CHLSN: variants seen among roughly 807,000 people sequenced by gnomAD.
CHLSN encodes cholesin.
chr7:1,057,454 C>T, the CHLSN span: 151 of 679,710 alleles, frequency 2.2e-4, 1 homozygote, highest in East Asian at 2.9e-3. Context: ...GGCTTTGGGA[C>T]GGGACGCGAG....
the CHLSN span, among the ~76,000 whole-genome samples, chr7:999,308 T>C: frequency 2.5e-4 from 38 of 152,390 alleles, no homozygotes; most frequent in Middle Eastern, 6.8e-3. Flanking sequence ...TTGGCCCGCA[T>C]GCTGGAATCA....
chr7:1,057,324 A>G, the CHLSN span, among the ~76,000 whole-genome samples: 3 of 152,096 alleles, frequency 2.0e-5, no homozygotes, highest in African/African-American at 7.2e-5. Context: ...CGAGACGGCC[A>G]TTTTTCAACG....
the CHLSN span, among the ~76,000 whole-genome samples, chr7:1,014,307 T>C: frequency 6.6e-6 from 1 of 152,236 alleles, no homozygotes; most frequent in Non-Finnish European, 1.5e-5. Flanking sequence ...ATGAAAACTA[T>C]GTTTTTCCTT....
the CHLSN span, among the ~76,000 whole-genome samples, chr7:1,042,168 C>A: frequency 1.3e-5 from 2 of 152,136 alleles, no homozygotes; most frequent in Non-Finnish European, 2.9e-5. Flanking sequence ...ACACACGGCA[C>A]ACAACCACAG....
At chr7:1,065,429 G>A in the CHLSN span, among the ~76,000 whole-genome samples, 3 of 152,258 alleles carry the variant, frequency 2.0e-5, no homozygotes, top group Admixed American at 2.0e-4. Context: ...CACATCAACA[G>A]GTGGACAGAT....
At chr7:1,058,646 A>G in the CHLSN span, 1 of 612,132 alleles carries the variant, frequency 1.6e-6, no homozygotes, top group Non-Finnish European at 3.0e-6. Flanking sequence ...GTTTTTCTTG[A>G]AGTTTCCTTT....
the CHLSN span, among the ~76,000 whole-genome samples, chr7:1,067,106 G>A: frequency 0.12 from 16,562 of 141,972 alleles, 1,121 homozygotes; most frequent in Middle Eastern, 0.27. Flanking sequence ...GTCTGTTGGC[G>A]GAGGCAGGAG....
the CHLSN span, among the ~76,000 whole-genome samples, chr7:1,003,481 GA>G: frequency 1.5e-5 from 1 of 67,124 alleles, no homozygotes; most frequent in Non-Finnish European, 2.8e-5. Flanking sequence ...TCCTGTGGGT[GA>G]GTGGAGTCCT....
At chr7:1,005,903 G>A in the CHLSN span, among the ~76,000 whole-genome samples, 1 of 152,222 alleles carries the variant, frequency 6.6e-6, no homozygotes, top group African/African-American at 2.4e-5. Context: ...GCCGGCCCCC[G>A]AAAATGGTGA....
the CHLSN span, among the ~76,000 whole-genome samples, chr7:987,783 G>GCATCCCTGTCCATGTGTC: frequency 1.3e-5 from 2 of 151,952 alleles, no homozygotes; most frequent in African/African-American, 4.8e-5. Context: ...TGTCCTGTGG[G>GCATCCCTGTCCATGTGTC]CATCCCTGTC....
At chr7:1,124,721 A>C in the CHLSN span, among the ~76,000 whole-genome samples, 2 of 151,418 alleles carry the variant, frequency 1.3e-5, no homozygotes, top group African/African-American at 2.4e-5. Context: ...AATAATAAAA[A>C]ATAAAAAAAA....
chr7:1,090,929 G>GT, the CHLSN span, among the ~76,000 whole-genome samples: 1 of 152,068 alleles, frequency 6.6e-6, no homozygotes, highest in Admixed American at 6.5e-5. Flanking sequence ...CTGTTTTATC[G>GT]TAAGAGAAGA....
At chr7:1,121,580 A>G in the CHLSN span, among the ~76,000 whole-genome samples, 1 of 152,250 alleles carries the variant, frequency 6.6e-6, no homozygotes, top group Non-Finnish European at 1.5e-5. Context: ...CAGAGCCTCT[A>G]CACGCCGGTT....
At chr7:984,967 G>A in the CHLSN span, 1 of 1,604,816 alleles carries the variant, frequency 6.2e-7, no homozygotes, top group African/African-American at 1.3e-5. Context: ...CTTCTCATCT[G>A]GGGCGCGCTG....
At chr7:1,120,603 C>T in the CHLSN span, among the ~76,000 whole-genome samples, 3 of 152,200 alleles carry the variant, frequency 2.0e-5, no homozygotes, top group African/African-American at 4.8e-5. Flanking sequence ...AGCAGCTTCT[C>T]AAAAAATTAA....
the CHLSN span, among the ~76,000 whole-genome samples, chr7:1,064,424 C>A: frequency 1.3e-5 from 2 of 152,064 alleles, no homozygotes; most frequent in Non-Finnish European, 2.9e-5. Context: ...CTGCCCCCAG[C>A]AGGAGACATG....
chr7:1,077,306 C>A, the CHLSN span, among the ~76,000 whole-genome samples: 2 of 152,276 alleles, frequency 1.3e-5, no homozygotes, highest in African/African-American at 4.8e-5. Flanking sequence ...CAGGCTTCCA[C>A]CACCAAGCCT....
chr7:1,096,920 G>T, the CHLSN span, among the ~76,000 whole-genome samples: 4 of 152,228 alleles, frequency 2.6e-5, no homozygotes, highest in South Asian at 8.3e-4. This position sits in a 1 kb window ranked among gnomAD's most constrained non-coding sequence, Gnocchi z 4.6. Context: ...TCTTAGGAGG[G>T]TGTTTCTGTG....
the CHLSN span, among the ~76,000 whole-genome samples, chr7:1,118,411 T>A: frequency 6.6e-6 from 1 of 152,236 alleles, no homozygotes; most frequent in South Asian, 2.1e-4. Flanking sequence ...AAGATCAACA[T>A]CCAAATTATC....
Sources: gnomAD v4.1 joint callset for allele counts (sites outside exome capture counted in the v4.1 genomes callset) on GRCh38, gnomAD v4.1.1 for gene constraint, Gnocchi (gnomAD v3.1) non-coding constraint, MANE v1.5 for transcripts, NCBI Gene and HGNC (gene_info 2026-07-23, HGNC 2026-07-21) for gene names.